Variants in KPNA4 observed in about 807,000 individuals in gnomAD.
The protein encoded by KPNA4 is importin subunit alpha-3.
KPNA4 carries 13 observed loss-of-function variants against 71.3 expected under a neutral mutation model. The observed-to-expected ratio is 0.18, with a 90% confidence interval of 0.12 to 0.29. The LOEUF is 0.29. Ranked by LOEUF, KPNA4 falls within the 10% of genes least tolerant of loss-of-function variation. The pLI is 1.00. For synonymous variants in KPNA4, 189 were observed against 195.2 expected (o/e 0.97, Z 0.26); for missense variants, 334 against 603.2 (o/e 0.55, Z 4.67).
chr3:160,547,403 A>G (rs747116546), intron 1 of KPNA4, among the ~76,000 whole-genome samples: 6 of 152,186 alleles, frequency 3.9e-5, no homozygotes, highest in Middle Eastern at 3.2e-3. Context: ...GAATGACACC[A>G]TGCCACACAA....
intron 1 of KPNA4, among the ~76,000 whole-genome samples, chr3:160,554,131 A>G (rs1722091711): frequency 6.6e-6 from 1 of 152,228 alleles, no homozygotes; most frequent in Non-Finnish European, 1.5e-5. Flanking sequence ...TGTGACCCCC[A>G]AATACTGGAA....
intron 1 of KPNA4, among the ~76,000 whole-genome samples, chr3:160,548,621 T>C (rs535531207): frequency 6.6e-6 from 1 of 152,342 alleles, no homozygotes; most frequent in South Asian, 2.1e-4. Context: ...TTGTAATATG[T>C]CAGAATTTCC....
chr3:160,509,656 C>G, intron 14 of KPNA4, 144 bp downstream of exon 14: 1 of 641,570 alleles, frequency 1.6e-6, no homozygotes, highest in Non-Finnish European at 2.7e-6. Flanking sequence ...AGTCACAAAA[C>G]CCTGGCCTCG....
rs1241760548 is a variant in KPNA4 at position 160,563,579 on chromosome 3, T to C, written c.69+1635A>G. ...GCCAGAAATGTAGAGGAAAAAAGGG[T>C]TATAGGGATCTGTCAAGCACCTAAT... is the stretch of plus-strand genomic sequence containing the variant. On this transcript the variant is annotated intron_variant, in intron 1 of 16. Coordinates refer to ENST00000334256, the MANE Select transcript of KPNA4 (RefSeq NM_002268.5). Among the ~76,000 whole-genome samples the C allele has an allele frequency of 2.0e-5, 3 of 152,048 alleles. No individual in the cohort carries two copies. The East Asian group carries it at 5.8e-4, about 29-fold the overall frequency.
At chr3:160,518,293 G>A (rs1393558868) in intron 11 of KPNA4, among the ~76,000 whole-genome samples, 3 of 151,308 alleles carry the variant, frequency 2.0e-5, no homozygotes, top group African/African-American at 7.3e-5. Context: ...CCGCTACCAC[G>A]CCCGGCTAAT....
chr3:160,532,916 C>G lies in KPNA4; in HGVS notation c.288-1359G>C, dbSNP rs559754394. Among the ~76,000 whole-genome samples, 28 of 152,334 alleles carry G rather than the reference C, an allele frequency of 1.8e-4. No homozygotes were observed. In the South Asian group the frequency reaches 1.9e-3, roughly 10 times the overall value. On this transcript the variant is annotated intron_variant, in intron 5 of 16. Transcript: ENST00000334256. ...CCCCTCACTTGAAATGCCCGGTCTT[C>G]TATGTATTCAAACTCTATTCAAAGT...
intron 1 of KPNA4, among the ~76,000 whole-genome samples, chr3:160,555,070 C>T (rs1421367078): frequency 6.6e-6 from 1 of 152,122 alleles, no homozygotes; most frequent in Non-Finnish European, 1.5e-5. Context: ...GAGCTCTCAA[C>T]CTGAAATCTG....
chr3:160,554,776 T>C (rs1400615221), intron 1 of KPNA4, among the ~76,000 whole-genome samples: 3 of 152,224 alleles, frequency 2.0e-5, no homozygotes, highest in Non-Finnish European at 4.4e-5. Context: ...TGAGAGCTTC[T>C]GGATAGCAGA....
At chr3:160,540,069 G>C (rs528636326) in intron 1 of KPNA4, among the ~76,000 whole-genome samples, 1 of 146,074 alleles carries the variant, frequency 6.8e-6, no homozygotes, top group Non-Finnish European at 1.5e-5. Flanking sequence ...ACGGGATCTC[G>C]GCTCACTGCA....
intron 10 of KPNA4, among the ~76,000 whole-genome samples, chr3:160,522,568 C>T (rs947255680): frequency 6.6e-6 from 1 of 152,198 alleles, no homozygotes; most frequent in Non-Finnish European, 1.5e-5. Context: ...TGCCATTCTC[C>T]TGCCTCAGCC....
At chr3:160,519,519 G>C (rs1721298969) in intron 11 of KPNA4, among the ~76,000 whole-genome samples, 1 of 152,080 alleles carries the variant, frequency 6.6e-6, no homozygotes. Context: ...AGGCGGCCGG[G>C]CGCGGTGGCT....
In KPNA4 at chr3:160,535,570, A is replaced by C. The variant is rs1721672190; in HGVS notation, c.235-5T>G. The C allele has an allele frequency of 3.1e-6, 5 of 1,591,132 alleles. No individual in the cohort carries two copies. The highest frequency in any genetic ancestry group is 1.7e-4 in the Middle Eastern group (1 of 5,808). On this transcript the variant is annotated splice_polypyrimidine_tract_variant and splice_region_variant and intron_variant, in intron 4 of 16. Transcript: ENST00000334256. Reference sequence around the variant, plus strand: ...TTGGTTATCACTTGAAGCATTCTATAAAAAATAAAATAATTTATGATGTAA... The same window carrying C: ...TTGGTTATCACTTGAAGCATTCTATCAAAAATAAAATAATTTATGATGTAA...
At chr3:160,518,819 C>A (rs1721286760) in intron 11 of KPNA4, among the ~76,000 whole-genome samples, 2 of 152,050 alleles carry the variant, frequency 1.3e-5, no homozygotes, top group Admixed American at 6.6e-5. Context: ...CGAGATCATG[C>A]CATTGCACTC....
At chr3:160,523,555 G>A (rs1009552093) in intron 10 of KPNA4, among the ~76,000 whole-genome samples, 2 of 151,532 alleles carry the variant, frequency 1.3e-5, no homozygotes, top group Non-Finnish European at 2.9e-5. Context: ...GACATCAAAT[G>A]AGAGTTCGCA....
At chr3:160,529,237 T>C (rs895855175) in intron 7 of KPNA4, among the ~76,000 whole-genome samples, 1 of 152,148 alleles carries the variant, frequency 6.6e-6, no homozygotes, top group Admixed American at 6.5e-5. Flanking sequence ...CCCAACCTCA[T>C]TTATTTATTT....
At chr3:160,560,947 C>G (rs1389935056) in intron 1 of KPNA4, among the ~76,000 whole-genome samples, 1 of 151,974 alleles carries the variant, frequency 6.6e-6, no homozygotes, top group Non-Finnish European at 1.5e-5. Context: ...GTTAACAAGA[C>G]TTAATACCTT....
At chr3:160,513,053 A>C (rs1372412201) in intron 13 of KPNA4, among the ~76,000 whole-genome samples, 1 of 152,110 alleles carries the variant, frequency 6.6e-6, no homozygotes, top group African/African-American at 2.4e-5. Flanking sequence ...TCACTCAACA[A>C]TCTTAATATC....
rs149435016 is a variant in KPNA4 at position 160,499,307 on chromosome 3, T to C, written c.*2797A>G. ...TAGACTAGGGCGTCTCACACACCCC[T>C]AATATAACATTCTTATTTTTACAGC... On this transcript the variant is annotated 3_prime_UTR_variant, in exon 17 of 17. Transcript: ENST00000334256. 19 of 152,288 alleles carry C rather than the reference T, an allele frequency of 1.2e-4. No individual in the cohort carries two copies. In the East Asian group the frequency reaches 3.7e-3, roughly 29 times the overall value. The allele number at this position is 152,288 out of a possible 1,614,324, so 9.4% of individuals were successfully genotyped here.
rs774307739 is a variant in KPNA4, at chr3:160,502,198, T to A, written c.1472A>T (p.Asp491Val). 7.1e-6 allele frequency: 11 copies of A among 1,550,168 alleles called. No individual in the cohort carries two copies. Among genetic ancestry groups the A allele is most frequent in the Non-Finnish European group, 9.7e-6 (11 of 1,137,386 alleles). Residue 491 changes from aspartate to valine, a missense_variant, in exon 17 of 17, where the codon GAT becomes GTT. Coordinates refer to ENST00000334256, the MANE Select transcript of KPNA4 (RefSeq NM_002268.5). The part of the protein sequence containing the change: ...IDQFFSSDDI[D>V]EDPSLVPEAI... ...CTCTGGAACAAGGCTAGGGTCTTCA[T>A]CAATCTAGGTGAAAAAAAAGAAAAA...
Sources: allele counts gnomAD v4.1 joint callset (sites outside exome capture counted in the v4.1 genomes callset), GRCh38; gene constraint gnomAD v4.1.1; transcripts MANE v1.5; gene names NCBI Gene and HGNC (gene_info 2026-07-23, HGNC 2026-07-21).